LIN28B: variants seen among roughly 807,000 people sequenced by gnomAD.
LIN28B encodes the protein protein lin-28 homolog B.
Under a neutral mutation model 21.9 loss-of-function variants are expected in LIN28B, and 5 were observed. The observed-to-expected ratio is 0.23, with a 90% confidence interval of 0.12 to 0.48. LIN28B has a LOEUF of 0.48. LIN28B is among the 20% of genes least tolerant of loss of function. LIN28B has a pLI of 0.98. For synonymous variants in LIN28B, 109 were observed against 111.3 expected (o/e 0.98, Z 0.13); for missense variants, 245 against 310.5 (o/e 0.79, Z 1.58).
intron 2 of LIN28B, among the ~76,000 whole-genome samples, chr6:104,949,294 ATGAAT>A (rs1778192475): frequency 6.6e-6 from 1 of 152,220 alleles, no homozygotes; most frequent in South Asian, 2.1e-4. Context: ...AGTGTCTGTA[ATGAAT>A]TTTGTTAAAG....
chr6:105,066,009 TA>T (rs905412639), intron 3 of LIN28B, among the ~76,000 whole-genome samples: 94 of 152,134 alleles, frequency 6.2e-4, no homozygotes, highest in African/African-American at 2.2e-3. Context: ...TCGTCTCCAC[TA>T]AAAATACAAA....
At chr6:105,062,652 C>G (rs1482060765) in intron 3 of LIN28B, among the ~76,000 whole-genome samples, 1 of 151,672 alleles carries the variant, frequency 6.6e-6, no homozygotes, top group Non-Finnish European at 1.5e-5. Context: ...ATGAATGATC[C>G]TGGAACATAC....
At chr6:104,945,664 G>A (rs1778147826) in intron 2 of LIN28B, among the ~76,000 whole-genome samples, 4 of 151,842 alleles carry the variant, frequency 2.6e-5, no homozygotes, top group Non-Finnish European at 1.5e-5. Flanking sequence ...TTTCTTCAAC[G>A]TGATCTAACA....
rs73771346 is a variant in LIN28B at position 105,061,167 on chromosome 6, T to C, written c.384-17247T>C. ...TTTCCTTTATCTGCAAATTTTCTGATAGAATTTATATGAACTAAGTTACCC... is the reference window on the plus strand; with the variant it reads ...TTTCCTTTATCTGCAAATTTTCTGACAGAATTTATATGAACTAAGTTACCC... On this transcript the variant is annotated intron_variant, in intron 3 of 3. Coordinates refer to ENST00000345080, the MANE Select transcript of LIN28B (RefSeq NM_001004317.4). Among the ~76,000 whole-genome samples, 902 of 152,298 alleles carry C rather than the reference T, an allele frequency of 5.9e-3. 6 individuals carry two copies. The highest frequency in any genetic ancestry group is 0.021 in the African/African-American group (879 of 41,562).
At chr6:105,044,396 T>G in intron 3 of LIN28B, among the ~76,000 whole-genome samples, 1 of 152,292 alleles carries the variant, frequency 6.6e-6, no homozygotes, top group South Asian at 2.1e-4. Context: ...TGAGATATTA[T>G]TATAGCTATT....
Position 104,957,113 on chromosome 6 carries a change from A to G in LIN28B, c.-138A>G. 1.4e-5 allele frequency: 22 copies of G among 1,578,800 alleles called. No homozygotes were observed. Among genetic ancestry groups the G allele is most frequent in the Non-Finnish European group, 1.9e-5 (22 of 1,162,982 alleles). On this transcript the variant is annotated 5_prime_UTR_variant, in exon 1 of 4. Transcript: ENST00000345080. ...AGAGAGGAGAGAAAAAAATCAAAAG[A>G]AGGAAAGCACATTAGACCATGCGAG...
At chr6:104,999,429 TA>T (rs1429959957) in intron 2 of LIN28B, among the ~76,000 whole-genome samples, 1 of 152,174 alleles carries the variant, frequency 6.6e-6, no homozygotes, top group Non-Finnish European at 1.5e-5. Context: ...ATAACCCACC[TA>T]ACCCAGCCTG....
chr6:104,961,387 T>A (rs1453933662), intron 2 of LIN28B, among the ~76,000 whole-genome samples: 1 of 152,096 alleles, frequency 6.6e-6, no homozygotes, highest in African/African-American at 2.4e-5. Flanking sequence ...TAATACAAAT[T>A]TGTTACGTCT....
In LIN28B at chr6:105,070,756, C is replaced by G. The variant is rs548097570; in HGVS notation, c.384-7658C>G. Among the ~76,000 whole-genome samples the G allele has an allele frequency of 1.4e-3, 218 of 152,120 alleles. No homozygotes were observed. The Middle Eastern group carries it at 0.017, about 12-fold the overall frequency. The stretch of plus-strand genomic sequence containing the variant: ...TCACGCCACTGCACTCCAGCCTGGG[C>G]AACAGAGCTAGACCTTATCTCAAGA... On this transcript the variant is annotated intron_variant, in intron 3 of 3. Coordinates refer to ENST00000345080, the MANE Select transcript of LIN28B (RefSeq NM_001004317.4).
intron 3 of LIN28B, among the ~76,000 whole-genome samples, chr6:105,036,871 T>C (rs1231385265): frequency 6.6e-6 from 1 of 152,190 alleles, no homozygotes; most frequent in Admixed American, 6.5e-5. Flanking sequence ...TATTGTATGA[T>C]TTCGGTACAA....
At chr6:104,947,947 C>T (rs1221023071) in intron 2 of LIN28B, among the ~76,000 whole-genome samples, 1 of 151,932 alleles carries the variant, frequency 6.6e-6, no homozygotes, top group Non-Finnish European at 1.5e-5. Context: ...GGAGAGAGAA[C>T]ATTTTCATGG....
At chr6:105,028,994 T>C (rs568740368) in intron 3 of LIN28B, among the ~76,000 whole-genome samples, 7 of 152,234 alleles carry the variant, frequency 4.6e-5, no homozygotes, top group Middle Eastern at 3.4e-3. Flanking sequence ...AGAAAGGGTA[T>C]CAGGTATGTT....
upstream of LIN28B, among the ~76,000 whole-genome samples, chr6:104,953,872 G>A (rs1778252446): frequency 6.6e-6 from 1 of 152,172 alleles, no homozygotes; most frequent in South Asian, 2.1e-4. Context: ...AAGAACCGAA[G>A]CATTGTTTCT....
chr6:104,938,751 C>T (rs972989919), intron 2 of LIN28B, among the ~76,000 whole-genome samples: 3 of 152,114 alleles, frequency 2.0e-5, no homozygotes, highest in Admixed American at 1.3e-4. Flanking sequence ...CTAACATACT[C>T]CTTAATGCTT....
At chr6:104,955,236 T>G (rs987836480), upstream of LIN28B, among the ~76,000 whole-genome samples, 1 of 152,224 alleles carries the variant, frequency 6.6e-6, no homozygotes, top group Non-Finnish European at 1.5e-5. Flanking sequence ...TAATGCCTAG[T>G]AAATGTTTTG....
At chr6:105,032,247 G>C (rs923748617) in intron 3 of LIN28B, among the ~76,000 whole-genome samples, 2 of 152,070 alleles carry the variant, frequency 1.3e-5, no homozygotes, top group African/African-American at 4.8e-5. Flanking sequence ...GCACAAGTGT[G>C]TGAAGATTCA....
At chr6:104,964,958 T>C (rs1468074221) in intron 2 of LIN28B, among the ~76,000 whole-genome samples, 1 of 152,230 alleles carries the variant, frequency 6.6e-6, no homozygotes, top group Non-Finnish European at 1.5e-5. Flanking sequence ...TACCTAACTT[T>C]TAAAGTTGTT....
upstream of LIN28B, among the ~76,000 whole-genome samples, chr6:104,956,653 A>G (rs529280070): frequency 6.6e-6 from 1 of 152,292 alleles, no homozygotes; most frequent in South Asian, 2.1e-4. Flanking sequence ...ATTAAATATG[A>G]AATTAGCGTT....
intron 2 of LIN28B, among the ~76,000 whole-genome samples, chr6:104,947,873 C>T (rs1778175368): frequency 6.6e-6 from 1 of 151,028 alleles, no homozygotes; most frequent in Non-Finnish European, 1.5e-5. Context: ...AAAATAATGC[C>T]AGAATTATAA....
Sources: gnomAD v4.1 joint callset for allele counts (sites outside exome capture counted in the v4.1 genomes callset) on GRCh38, gnomAD v4.1.1 for gene constraint, MANE v1.5 for transcripts, NCBI Gene and HGNC (gene_info 2026-07-23, HGNC 2026-07-21) for gene names.